GRID2: variants seen among roughly 807,000 people sequenced by gnomAD.
GRID2 encodes the protein glutamate receptor ionotropic, delta-2.
GRID2 carries 33 observed loss-of-function variants against 114.8 expected under a neutral mutation model. The observed-to-expected ratio is 0.29, with a 90% confidence interval of 0.22 to 0.38. The LOEUF (loss-of-function observed/expected upper bound fraction) is 0.38. Among genes scored for constraint, GRID2 ranks in the 10% least tolerant of loss-of-function variants. The probability of loss-of-function intolerance (pLI) is 1.00; values close to 1 mark genes in which losing one functional copy is unlikely to be tolerated. For missense variants in GRID2, 1,184 were observed against 1,257.7 expected (o/e 0.94, Z 0.89); for synonymous variants, 505 against 449.9 (o/e 1.12, Z -1.55).
At chr4:92,532,321 T>G (rs1725395384) in intron 1 of GRID2, among the ~76,000 whole-genome samples, 1 of 152,128 alleles carries the variant, frequency 6.6e-6, no homozygotes, top group Non-Finnish European at 1.5e-5. Flanking sequence ...TGCAAGAAGT[T>G]GAGGAAAAAG....
At chr4:92,614,654 T>C (rs1022905205) in intron 2 of GRID2, among the ~76,000 whole-genome samples, 1 of 151,670 alleles carries the variant, frequency 6.6e-6, no homozygotes, top group Non-Finnish European at 1.5e-5. Flanking sequence ...TATATTCATG[T>C]GTGCTTGATA....
rs749018830 is a variant in GRID2, at chr4:92,496,348, GAAAAC to G, written c.89-93766_89-93762del. 1.6e-4 allele frequency among the ~76,000 whole-genome samples: 24 copies of G among 151,760 alleles called. No individual in the cohort carries two copies. In the East Asian group the frequency reaches 1.7e-3, roughly 11 times the overall value. On this transcript the variant is annotated intron_variant, in intron 1 of 15. Coordinates refer to ENST00000282020, the MANE Select transcript of GRID2 (RefSeq NM_001510.4). ...TGAAGATTTCAGTTTACTGGAATCT[GAAAAC>G]AAAACAAAACAAAACAGACAGCCAT...
At chr4:92,423,911 A>G (rs1196346283) in intron 1 of GRID2, among the ~76,000 whole-genome samples, 1 of 152,146 alleles carries the variant, frequency 6.6e-6, no homozygotes, top group Non-Finnish European at 1.5e-5. Flanking sequence ...TAATATTCAT[A>G]AATTAAAAAA....
chr4:93,244,181 A>C (rs1289177460), intron 8 of GRID2, among the ~76,000 whole-genome samples: 6 of 152,028 alleles, frequency 3.9e-5, no homozygotes, highest in Admixed American at 3.9e-4. Flanking sequence ...TTAAAATGTA[A>C]TACTCTAGAC....
chr4:93,061,179 T>G (rs1375047757), intron 2 of GRID2, among the ~76,000 whole-genome samples: 1 of 144,334 alleles, frequency 6.9e-6, no homozygotes, highest in Non-Finnish European at 1.5e-5. Context: ...ATTTTATATA[T>G]TCATCAGGTT....
intron 13 of GRID2, among the ~76,000 whole-genome samples, chr4:93,606,374 A>C (rs1740240838): frequency 6.6e-6 from 1 of 152,200 alleles, no homozygotes; most frequent in Admixed American, 6.5e-5. Flanking sequence ...AAGAAATAAT[A>C]CAGCCATTTA....
At chr4:92,657,650 A>AAAAAC (rs79684412) in intron 2 of GRID2, among the ~76,000 whole-genome samples, 9,203 of 151,826 alleles carry the variant, frequency 0.061, 328 homozygotes, top group East Asian at 0.16. Flanking sequence ...ACAAAAAGCA[A>AAAAAC]AAAACAAAAT....
intron 13 of GRID2, among the ~76,000 whole-genome samples, chr4:93,608,636 T>C (rs1233233764): frequency 7.2e-6 from 1 of 139,754 alleles, no homozygotes; most frequent in East Asian, 2.0e-4. Context: ...ACAAAGGACA[T>C]GAACTCATCA....
At chr4:92,305,266 G>A (rs1176346071) in intron 1 of GRID2, among the ~76,000 whole-genome samples, 2 of 152,130 alleles carry the variant, frequency 1.3e-5, no homozygotes, top group East Asian at 3.9e-4. Context: ...ATGGTGACGG[G>A]GGTGCCGGAT....
chr4:93,250,831 A>G (rs1748823286), intron 8 of GRID2, among the ~76,000 whole-genome samples: 1 of 151,048 alleles, frequency 6.6e-6, no homozygotes, highest in Non-Finnish European at 1.5e-5. Context: ...TGCCAAAACC[A>G]GAAACATTCT....
At chr4:92,389,719 T>C (rs1306257195) in intron 1 of GRID2, among the ~76,000 whole-genome samples, 14 of 152,070 alleles carry the variant, frequency 9.2e-5, no homozygotes, top group Non-Finnish European at 1.9e-4. Context: ...TATTCACTGA[T>C]GATATGGAAC....
rs529446412 is a variant in GRID2 at position 92,655,729 on chromosome 4, G to A, written c.244+65443G>A. ...GAGTTTGTATGTGATTTTGTATCCT[G>A]TAAGTTACCAAATGTATCAGTTCTA... On this transcript the variant is annotated intron_variant, in intron 2 of 15. Coordinates refer to ENST00000282020, the MANE Select transcript of GRID2 (RefSeq NM_001510.4). 5.9e-5 allele frequency among the ~76,000 whole-genome samples: 9 copies of A among 151,544 alleles called. No homozygotes were observed. The East Asian group carries it at 1.7e-3, about 29-fold the overall frequency.
In GRID2 at chr4:92,935,286, G is replaced by A. The variant is rs527831726; in HGVS notation, c.245-149709G>A. 8.5e-4 allele frequency among the ~76,000 whole-genome samples: 126 copies of A among 147,432 alleles called. 5 individuals are homozygous for A. The highest frequency in any genetic ancestry group is 2.9e-3 in the African/African-American group (118 of 41,302). On this transcript the variant is annotated intron_variant, in intron 2 of 15. Coordinates refer to ENST00000282020, the MANE Select transcript of GRID2 (RefSeq NM_001510.4). ...GCAGCCAAAAAACACATGAAAAAAG[G>A]CTCACTATCACTGGCCATCAGAGAA...
chr4:93,322,210 C>T (rs894997622), intron 8 of GRID2, among the ~76,000 whole-genome samples: 3 of 151,970 alleles, frequency 2.0e-5, no homozygotes, highest in East Asian at 1.9e-4. Context: ...CCCCACCCAA[C>T]AACAGGCCCC....
chr4:93,348,587 T>A (rs993768128), intron 8 of GRID2, among the ~76,000 whole-genome samples: 2 of 152,132 alleles, frequency 1.3e-5, no homozygotes, highest in Admixed American at 1.3e-4. Context: ...TGGAATGGCC[T>A]CCTTGGAAAT....
At chr4:93,420,472 AAATATATG>A (rs1197892429) in intron 9 of GRID2, among the ~76,000 whole-genome samples, 2 of 152,148 alleles carry the variant, frequency 1.3e-5, no homozygotes, top group African/African-American at 4.8e-5. Flanking sequence ...TATGTACTTT[AAATATATG>A]AATATTTGGA....
At chr4:93,163,278 C>G (rs114052685) in intron 4 of GRID2, among the ~76,000 whole-genome samples, 3,789 of 146,374 alleles carry the variant, frequency 0.026, 161 homozygotes, top group African/African-American at 0.09. Context: ...AGCATATAAA[C>G]CAAAATATCA....
At chr4:93,328,680 T>A (rs1451750495) in intron 8 of GRID2, among the ~76,000 whole-genome samples, 1 of 151,460 alleles carries the variant, frequency 6.6e-6, no homozygotes, top group Admixed American at 6.6e-5. Flanking sequence ...ATATGTTGAT[T>A]AAGTGCATGG....
chr4:92,324,750 A>G (rs954703215), intron 1 of GRID2, among the ~76,000 whole-genome samples: 2 of 151,968 alleles, frequency 1.3e-5, no homozygotes, highest in South Asian at 2.1e-4. Flanking sequence ...GTGAAAATCT[A>G]TATATGCTGA....
Sources: allele counts gnomAD v4.1 joint callset (sites outside exome capture counted in the v4.1 genomes callset), GRCh38; gene constraint gnomAD v4.1.1; transcripts MANE v1.5; gene names NCBI Gene and HGNC (gene_info 2026-07-23, HGNC 2026-07-21).